Variants in DAB1 observed in about 807,000 individuals in gnomAD.
The protein encoded by DAB1 is DAB adaptor protein 1.
In DAB1, 15 loss-of-function variants were observed where a neutral mutation model predicts 64.6. The observed-to-expected ratio is 0.23, with a 90% confidence interval of 0.16 to 0.36. The LOEUF is 0.36. Among genes scored for constraint, DAB1 ranks in the 10% least tolerant of loss-of-function variants. DAB1 has a pLI of 1.00. For synonymous variants in DAB1, 235 were observed against 251.9 expected, an observed-to-expected ratio of 0.93 and a Z score of 0.64; for missense variants, 596 against 706.7, an observed-to-expected ratio of 0.84 and a Z score of 1.78.
At chr1:58,137,586 T>C (rs886618361) in intron 5 of DAB1, among the ~76,000 whole-genome samples, 3 of 152,100 alleles carry the variant, frequency 2.0e-5, no homozygotes, top group Admixed American at 6.6e-5. Context: ...TGCATCCAAC[T>C]ATCCATCCAA....
intron 7 of DAB1, among the ~76,000 whole-genome samples, chr1:57,539,380 T>C (rs1354654179): frequency 1.3e-5 from 2 of 152,226 alleles, no homozygotes; most frequent in East Asian, 3.8e-4. Context: ...AGAATAAACT[T>C]GCTGATTCAA....
intron 4 of DAB1, among the ~76,000 whole-genome samples, chr1:58,288,454 C>T (rs1302289931): frequency 6.6e-6 from 1 of 152,154 alleles, no homozygotes; most frequent in Non-Finnish European, 1.5e-5. Flanking sequence ...CCCTTAGTCT[C>T]TATTAAAGTC....
intron 3 of DAB1, among the ~76,000 whole-genome samples, chr1:58,387,591 A>C (rs338939): frequency 0.53 from 81,086 of 151,822 alleles, 22,075 homozygotes; most frequent in African/African-American, 0.64. Flanking sequence ...TCAGAGCTGC[A>C]CTCAGAAGAA....
At chr1:58,397,101 G>A (rs1644530068) in intron 3 of DAB1, among the ~76,000 whole-genome samples, 2 of 151,780 alleles carry the variant, frequency 1.3e-5, no homozygotes, top group Non-Finnish European at 2.9e-5. Flanking sequence ...AAGAAACAGA[G>A]AGGGCAAGAG....
intron 5 of DAB1, among the ~76,000 whole-genome samples, chr1:57,910,073 G>A (rs893240607): frequency 6.6e-6 from 1 of 152,152 alleles, no homozygotes; most frequent in African/African-American, 2.4e-5. Flanking sequence ...AACACAAAGC[G>A]ACCCAGCGAT....
At chr1:57,461,609 T>G (rs1310621351) in intron 7 of DAB1, among the ~76,000 whole-genome samples, 1 of 152,198 alleles carries the variant, frequency 6.6e-6, no homozygotes, top group East Asian at 1.9e-4. Context: ...ACCCTGTGTG[T>G]TTGCCCAGGC....
intron 6 of DAB1, among the ~76,000 whole-genome samples, chr1:57,655,906 A>C (rs1646313084): frequency 6.6e-6 from 1 of 152,180 alleles, no homozygotes; most frequent in Non-Finnish European, 1.5e-5. Context: ...CCAAGCTGTG[A>C]CTACATAGGA....
intron 5 of DAB1, among the ~76,000 whole-genome samples, chr1:58,086,717 T>C (rs1205109680): frequency 1.3e-5 from 2 of 151,898 alleles, no homozygotes; most frequent in African/African-American, 2.4e-5. Context: ...CTCCTGAACA[T>C]GGCAGGCATG....
intron 5 of DAB1, among the ~76,000 whole-genome samples, chr1:58,117,964 G>A (rs1292572859): frequency 6.6e-6 from 1 of 151,846 alleles, no homozygotes; most frequent in Non-Finnish European, 1.5e-5. Context: ...TGCTGCAGTG[G>A]TGCAATCATG....
At chr1:57,499,395 AG>A (rs1469497414) in intron 7 of DAB1, among the ~76,000 whole-genome samples, 4 of 152,188 alleles carry the variant, frequency 2.6e-5, no homozygotes, top group Non-Finnish European at 5.9e-5. Context: ...GAGGTTGGGG[AG>A]GAGCTGGGAG....
At chr1:58,395,586 A>G (rs1040377333) in intron 3 of DAB1, among the ~76,000 whole-genome samples, 1 of 152,224 alleles carries the variant, frequency 6.6e-6, no homozygotes, top group Admixed American at 6.5e-5. Flanking sequence ...AGAGGGCCAC[A>G]TGCAGGGAGG....
chr1:58,305,677 G>A (rs923682104), intron 4 of DAB1, among the ~76,000 whole-genome samples: 1 of 152,116 alleles, frequency 6.6e-6, no homozygotes, highest in Non-Finnish European at 1.5e-5. Context: ...AAAAGATCAA[G>A]TCATCATAAT....
intron 7 of DAB1, among the ~76,000 whole-genome samples, chr1:57,451,776 T>A (rs993012223): frequency 6.6e-6 from 1 of 152,122 alleles, no homozygotes; most frequent in Non-Finnish European, 1.5e-5. Flanking sequence ...TTTCTCTCTT[T>A]TTGCGGGGAG....
intron 3 of DAB1, chr1:58,467,785 C>T (rs1390660255): frequency 6.6e-6 from 1 of 152,128 alleles, no homozygotes; most frequent in East Asian, 1.9e-4. Flanking sequence ...ATATAAAAAG[C>T]GTAGGTATAA....
chr1:57,233,727 C>A (rs1667879371), intron 2 of DAB1, among the ~76,000 whole-genome samples: 1 of 151,428 alleles, frequency 6.6e-6, no homozygotes, highest in South Asian at 2.1e-4. Context: ...CCACTGCACT[C>A]CAGCCTGGGC....
intron 3 of DAB1, among the ~76,000 whole-genome samples, chr1:58,473,106 C>A (rs554681029): frequency 3.2e-4 from 48 of 152,316 alleles, no homozygotes; most frequent in Admixed American, 1.2e-3. Flanking sequence ...ACCATCCAAC[C>A]AGCCAGAGCC....
chr1:57,266,618 G>A (rs541983950), intron 2 of DAB1, among the ~76,000 whole-genome samples: 1 of 152,186 alleles, frequency 6.6e-6, no homozygotes, highest in African/African-American at 2.4e-5. Flanking sequence ...TCCTCACAAC[G>A]AGTTTGTGTT....
chr1:57,308,845 T>C (rs1674418754), intron 1 of DAB1, among the ~76,000 whole-genome samples: 1 of 152,068 alleles, frequency 6.6e-6, no homozygotes, highest in Non-Finnish European at 1.5e-5. Context: ...CCAGTACTGG[T>C]AAATGGCTGT....
intron 2 of DAB1, among the ~76,000 whole-genome samples, chr1:57,265,197 C>T (rs1018145531): frequency 1.3e-5 from 2 of 152,202 alleles, no homozygotes; most frequent in African/African-American, 2.4e-5. Context: ...TTTCTCAAAG[C>T]ATCTCATTCA....
Sources: allele counts gnomAD v4.1 joint callset (sites outside exome capture counted in the v4.1 genomes callset), GRCh38; gene constraint gnomAD v4.1.1; transcripts MANE v1.5; gene names NCBI Gene and HGNC (gene_info 2026-07-23, HGNC 2026-07-21).